RNASE8: variants seen among roughly 807,000 people sequenced by gnomAD.
RNASE8 encodes ribonuclease A family member 8.
For missense variants in RNASE8, 179 were observed against 187.9 expected (o/e 0.95, Z 0.28); for synonymous variants, 68 against 74.1 (o/e 0.92, Z 0.42).
At position 21,057,922 on chromosome 14, in the gene RNASE8, CCTG is replaced by C. The variant is rs775388608; in HGVS notation, c.42_44del (p.Leu16del). On this transcript the variant is annotated inframe_deletion, in exon 1 of 1. Coordinates refer to ENST00000308227, the MANE Select transcript of RNASE8 (RefSeq NM_138331.2). ...CACCGGCCAGAGCAGGATGCTGCCC[CCTG>C]CTGCTGCTGCTTCTGGGGCTGTGGG... 2.6e-5 allele frequency: 42 copies of C among 1,608,486 alleles called. No individual in the cohort carries two copies. The East Asian group carries it at 8.7e-4, about 33-fold the overall frequency.
Position 21,058,062 on chromosome 14 carries a change from T to A in RNASE8, c.170T>A (p.Ile57Asn). Residue 57 changes from isoleucine to asparagine, a missense_variant, in exon 1 of 1, where the codon ATC becomes AAC. Physicochemically the swap from Ile to Asn is moderately radical, Grantham distance 149. Transcript: ENST00000308227. Reference sequence around the variant, plus strand: ...GCATGCAACTCAGCCATGAGCATCATCAATAAGTACACAGAACGGTGCAAA... The same window carrying A: ...GCATGCAACTCAGCCATGAGCATCAACAATAAGTACACAGAACGGTGCAAA... The part of the protein sequence containing the change: ...PQACNSAMSI[I>N]NKYTERCKDL... The A allele has an allele frequency of 6.2e-7, 1 of 1,614,026 alleles. No homozygotes were observed. The highest frequency in any genetic ancestry group is 8.5e-7 in the Non-Finnish European group (1 of 1,179,994).
Position 21,058,401 on chromosome 14 carries a change from C to T in RNASE8, c.*44C>T, listed in dbSNP as rs766491351. 63 of 1,382,184 alleles carry T rather than the reference C, an allele frequency of 4.6e-5. No individual in the cohort carries two copies. Among genetic ancestry groups the T allele is most frequent in the Non-Finnish European group, 6.2e-5 (62 of 999,850 alleles). The allele number at this position is 1,382,184 out of a possible 1,614,324, so 85.6% of individuals were successfully genotyped here. ...CACCTCACACTCTGCAGACTGTATG[C>T]TGCTGCTTTTCCTCCCTCCAGTTCG... On this transcript the variant is annotated 3_prime_UTR_variant, in exon 1 of 1. Transcript: ENST00000308227.
chr14:21,058,363 G>C lies in RNASE8; in HGVS notation c.*6G>C. The C allele has an allele frequency of 6.3e-7, 1 of 1,584,784 alleles. No homozygotes were observed. The highest frequency in any genetic ancestry group is 8.6e-7 in the Non-Finnish European group (1 of 1,160,606). ...ACTTGGATAAAGTTGTCTAAGCCCT[G>C]GTGCCCACGTTCCACCTCACACTCT... is the stretch of plus-strand genomic sequence containing the variant. On this transcript the variant is annotated 3_prime_UTR_variant, in exon 1 of 1. Coordinates refer to ENST00000308227, the MANE Select transcript of RNASE8 (RefSeq NM_138331.2).
Position 21,058,079 on chromosome 14 carries a change from C to T in RNASE8, c.187C>T (p.Arg63Trp), listed in dbSNP as rs540758421. 626 of 1,614,132 alleles carry T rather than the reference C, an allele frequency of 3.9e-4. 9 individuals carry two copies. The South Asian group carries it at 6.4e-3, about 17-fold the overall frequency. The change falls in exon 1 of 1, where the codon CGG (arginine) becomes TGG (tryptophan). Residue 63 changes from arginine to tryptophan, a missense_variant. Transcript: ENST00000308227. ...GAGCATCATCAATAAGTACACAGAACGGTGCAAAGACCTCAACACCTTCCT... is the reference window on the plus strand; with the variant it reads ...GAGCATCATCAATAAGTACACAGAATGGTGCAAAGACCTCAACACCTTCCT... ...AMSIINKYTE[R>W]CKDLNTFLHE... is the part of the protein sequence containing the mutation.
rs147666423 is a variant in RNASE8, at chr14:21,058,297, T to C, written c.405T>C (p.Pro135=). The C allele has an allele frequency of 8.7e-6, 14 of 1,613,924 alleles. No homozygotes were observed. The African/African-American group carries it at 1.5e-4, about 17-fold the overall frequency. Residue 135 remains proline (P), a synonymous_variant, in exon 1 of 1, where the codon CCT becomes CCC. Transcript: ENST00000308227. ...LNTPYIVACD[P]PQQGDPGYPL... is the part of the protein sequence containing the mutation. ...CACCTTACATAGTGGCCTGTGACCC[T>C]CCACAACAGGGTGACCCAGGGTACC...
chr14:21,057,912 G>A lies in RNASE8; in HGVS notation c.20G>A (p.Gly7Glu), dbSNP rs375693218. Reference sequence around the variant, plus strand: ...AGAGAGATGGCACCGGCCAGAGCAGGATGCTGCCCCCTGCTGCTGCTGCTT... The same window carrying A: ...AGAGAGATGGCACCGGCCAGAGCAGAATGCTGCCCCCTGCTGCTGCTGCTT... MAPARAGCCPLLLLLLG... is the reference protein window; with the variant it reads MAPARAECCPLLLLLLG... The change falls in exon 1 of 1, where the codon GGA (glycine) becomes GAA (glutamate). Residue 7 changes from glycine (G) to glutamate (E), a missense_variant. Transcript: ENST00000308227. 1.2e-6 allele frequency: 2 copies of A among 1,613,842 alleles called. No homozygotes were observed. Among genetic ancestry groups the A allele is most frequent in the African/African-American group, 2.7e-5 (2 of 74,848 alleles).
At position 21,058,098 on chromosome 14, in the gene RNASE8, C is replaced by T. The variant is rs1295168539; in HGVS notation, c.206C>T (p.Thr69Ile). 4 of 1,614,164 alleles carry T rather than the reference C, an allele frequency of 2.5e-6. No individual in the cohort carries two copies. Among genetic ancestry groups the T allele is most frequent in the Non-Finnish European group, 3.4e-6 (4 of 1,180,030 alleles). ...KYTERCKDLN[T>I]FLHEPFSSVA... is the part of the protein sequence containing the mutation. The stretch of plus-strand genomic sequence containing the variant: ...ACAGAACGGTGCAAAGACCTCAACA[C>T]CTTCCTGCACGAGCCCTTCTCCAGT... Residue 69 changes from threonine to isoleucine, a missense_variant, in exon 1 of 1, where the codon ACC becomes ATC. Thr to Ile is a moderately conservative substitution (Grantham distance 89). Coordinates refer to ENST00000308227, the MANE Select transcript of RNASE8 (RefSeq NM_138331.2).
rs1885765941 is a variant in RNASE8, at chr14:21,058,143, C to A, written c.251C>A (p.Thr84Asn). The part of the protein sequence containing the change: ...PFSSVAITCQ[T>N]PNIACKNSCK... ...TCCAGTGTGGCCATCACCTGCCAGACCCCCAACATAGCCTGCAAGAATAGC... is the reference window on the plus strand; with the variant it reads ...TCCAGTGTGGCCATCACCTGCCAGAACCCCAACATAGCCTGCAAGAATAGC... Residue 84 changes from threonine (T) to asparagine (N), a missense_variant, in exon 1 of 1, where the codon ACC (threonine) becomes AAC (asparagine). By Grantham distance (65) the Thr-to-Asn change is moderately conservative (BLOSUM62 0). Coordinates refer to ENST00000308227, the MANE Select transcript of RNASE8 (RefSeq NM_138331.2). 1 of 1,614,174 alleles carries A rather than the reference C, an allele frequency of 6.2e-7. No individual in the cohort carries two copies. Among genetic ancestry groups the A allele is most frequent in the Non-Finnish European group, 8.5e-7 (1 of 1,180,048 alleles).
Position 21,058,128 on chromosome 14 carries a change from C to T in RNASE8, c.236C>T (p.Ala79Val), listed in dbSNP as rs889550424. Residue 79 changes from alanine (A) to valine (V), a missense_variant, in exon 1 of 1, where the codon GCC becomes GTC. Coordinates refer to ENST00000308227, the MANE Select transcript of RNASE8 (RefSeq NM_138331.2). ...CTGCACGAGCCCTTCTCCAGTGTGG[C>T]CATCACCTGCCAGACCCCCAACATA... ...TFLHEPFSSV[A>V]ITCQTPNIAC... 7.4e-6 allele frequency: 12 copies of T among 1,614,040 alleles called. No homozygotes were observed. The highest frequency in any genetic ancestry group is 6.7e-5 in the African/African-American group (5 of 74,902).
In RNASE8 at chr14:21,058,145, C is replaced by G; in HGVS notation, c.253C>G (p.Pro85Ala). The change falls in exon 1 of 1, where the codon CCC becomes GCC. Residue 85 changes from proline (P) to alanine (A), a missense_variant. By Grantham distance (27) the Pro-to-Ala change is conservative. Transcript: ENST00000308227. ...FSSVAITCQT[P>A]NIACKNSCKN... Reference sequence around the variant, plus strand: ...CAGTGTGGCCATCACCTGCCAGACCCCCAACATAGCCTGCAAGAATAGCTG... The same window carrying G: ...CAGTGTGGCCATCACCTGCCAGACCGCCAACATAGCCTGCAAGAATAGCTG... The G allele has an allele frequency of 6.2e-7, 1 of 1,614,192 alleles. No individual in the cohort carries two copies. Among genetic ancestry groups the G allele is most frequent in the Non-Finnish European group, 8.5e-7 (1 of 1,180,040 alleles).
Position 21,057,827 on chromosome 14 carries a change from C to A in RNASE8, c.-66C>A. On this transcript the variant is annotated 5_prime_UTR_variant, in exon 1 of 1. Transcript: ENST00000308227. ...GAAATTCTTAGAAGGACTAACAAGA[C>A]TCCCCCATGATGACCTATTCATCCA... is the stretch of plus-strand genomic sequence containing the variant. 7.2e-7 allele frequency: 1 copy of A among 1,385,460 alleles called. No homozygotes were observed. Among genetic ancestry groups the A allele is most frequent in the South Asian group, 1.3e-5 (1 of 78,016 alleles). 85.8% of individuals were successfully genotyped at this position (1,385,460 alleles called of 1,614,324 possible).
At position 21,058,197 on chromosome 14, in the gene RNASE8, C is replaced by T. The variant is rs1052677768; in HGVS notation, c.305C>T (p.Pro102Leu). ...SCKNCHQSHG[P>L]MSLTMGELTS... ...AAAAACTGCCACCAGAGCCACGGGC[C>T]CATGTCCCTGACCATGGGTGAGCTC... is the stretch of plus-strand genomic sequence containing the variant. Residue 102 changes from proline to leucine, a missense_variant, in exon 1 of 1, where the codon CCC (proline) becomes CTC (leucine). Transcript: ENST00000308227. 29 of 1,614,154 alleles carry T rather than the reference C, an allele frequency of 1.8e-5. No individual in the cohort carries two copies. The highest frequency in any genetic ancestry group is 2.1e-5 in the Non-Finnish European group (25 of 1,180,024).
Position 21,058,395 on chromosome 14 carries a change from T to G in RNASE8, c.*38T>G. 1 of 1,401,342 alleles carries G rather than the reference T, an allele frequency of 7.1e-7. No homozygotes were observed. The highest frequency in any genetic ancestry group is 9.8e-7 in the Non-Finnish European group (1 of 1,015,858). 86.8% of individuals were successfully genotyped at this position (1,401,342 alleles called of 1,614,324 possible). ...ACGTTCCACCTCACACTCTGCAGAC[T>G]GTATGCTGCTGCTTTTCCTCCCTCC... On this transcript the variant is annotated 3_prime_UTR_variant, in exon 1 of 1. Transcript: ENST00000308227.
rs775020897 is a variant in RNASE8, at chr14:21,057,856, A to G, written c.-37A>G. On this transcript the variant is annotated 5_prime_UTR_variant, in exon 1 of 1. Coordinates refer to ENST00000308227, the MANE Select transcript of RNASE8 (RefSeq NM_138331.2). Reference sequence around the variant, plus strand: ...CCCATGATGACCTATTCATCCACCTACCTCCTCACTCTGTTCCACTGTCTC... The same window carrying G: ...CCCATGATGACCTATTCATCCACCTGCCTCCTCACTCTGTTCCACTGTCTC... 3.8e-6 allele frequency: 6 copies of G among 1,572,802 alleles called. No individual in the cohort carries two copies. The highest frequency in any genetic ancestry group is 1.8e-4 in the Middle Eastern group (1 of 5,706).
At position 21,058,306 on chromosome 14, in the gene RNASE8, G is replaced by A. The variant is rs560268253; in HGVS notation, c.414G>A (p.Gln138=). The change falls in exon 1 of 1, where the codon CAG becomes CAA. Residue 138 remains glutamine, a synonymous_variant. Coordinates refer to ENST00000308227, the MANE Select transcript of RNASE8 (RefSeq NM_138331.2). ...PYIVACDPPQ[Q]GDPGYPLVPV... is the part of the protein sequence containing the mutation. ...TAGTGGCCTGTGACCCTCCACAACA[G>A]GGTGACCCAGGGTACCCACTTGTTC... 20 of 1,613,738 alleles carry A rather than the reference G, an allele frequency of 1.2e-5. No individual in the cohort carries two copies. In the South Asian group the frequency reaches 1.3e-4, roughly 11 times the overall value.
chr14:21,057,946 G>A lies in RNASE8; in HGVS notation c.54G>A (p.Leu18=), dbSNP rs146041346. ...CCCTGCTGCTGCTGCTTCTGGGGCT[G>A]TGGGTGGCAGAGGTCCTAGTCAGAG... ...CCPLLLLLLG[L]WVAEVLVRAK... The change falls in exon 1 of 1, where the codon CTG becomes CTA. Residue 18 remains leucine, a synonymous_variant. Transcript: ENST00000308227. The A allele has an allele frequency of 6.2e-7, 1 of 1,613,952 alleles. No individual in the cohort carries two copies. The highest frequency in any genetic ancestry group is 1.3e-5 in the African/African-American group (1 of 74,874).
Position 21,057,947 on chromosome 14 carries a change from T to C in RNASE8, c.55T>C (p.Trp19Arg). ...CCTGCTGCTGCTGCTTCTGGGGCTG[T>C]GGGTGGCAGAGGTCCTAGTCAGAGC... is the stretch of plus-strand genomic sequence containing the variant. ...CPLLLLLLGL[W>R]VAEVLVRAKP... The change falls in exon 1 of 1, where the codon TGG (tryptophan) becomes CGG (arginine). Residue 19 changes from tryptophan to arginine, a missense_variant. Physicochemically the swap from Trp to Arg is moderately radical, Grantham distance 101. Transcript: ENST00000308227. 6.2e-7 allele frequency: 1 copy of C among 1,614,072 alleles called. No individual in the cohort carries two copies. The highest frequency in any genetic ancestry group is 1.6e-4 in the Middle Eastern group (1 of 6,062).
In RNASE8 at chr14:21,058,386, T is replaced by C. The variant is rs748040816; in HGVS notation, c.*29T>C. Reference sequence around the variant, plus strand: ...CTGGTGCCCACGTTCCACCTCACACTCTGCAGACTGTATGCTGCTGCTTTT... The same window carrying C: ...CTGGTGCCCACGTTCCACCTCACACCCTGCAGACTGTATGCTGCTGCTTTT... On this transcript the variant is annotated 3_prime_UTR_variant, in exon 1 of 1. Transcript: ENST00000308227. The C allele has an allele frequency of 1.4e-6, 2 of 1,475,534 alleles. No homozygotes were observed. The highest frequency in any genetic ancestry group is 1.2e-5 in the South Asian group (1 of 80,990). 91.4% of individuals were successfully genotyped at this position (1,475,534 alleles called of 1,614,324 possible).
chr14:21,057,880 T>A lies in RNASE8; in HGVS notation c.-13T>A. 1 of 1,609,708 alleles carries A rather than the reference T, an allele frequency of 6.2e-7. No individual in the cohort carries two copies. Among genetic ancestry groups the A allele is most frequent in the Non-Finnish European group, 8.5e-7 (1 of 1,176,936 alleles). ...TACCTCCTCACTCTGTTCCACTGTC[T>A]CCCTTAAGAGAGATGGCACCGGCCA... On this transcript the variant is annotated 5_prime_UTR_variant, in exon 1 of 1. Coordinates refer to ENST00000308227, the MANE Select transcript of RNASE8 (RefSeq NM_138331.2).
Sources: gnomAD v4.1 joint callset for allele counts on GRCh38, gnomAD v4.1.1 for gene constraint, MANE v1.5 for transcripts, NCBI Gene and HGNC (gene_info 2026-07-23, HGNC 2026-07-21) for gene names.